The following ASNS variants were observed in gnomAD, a reference collection of about 807,000 sequenced individuals.
ASNS encodes asparagine synthetase [glutamine-hydrolyzing].
ASNS carries 37 observed loss-of-function variants against 62.6 expected under a neutral mutation model. The ratio of observed to expected loss-of-function variants is 0.59; its 90% confidence interval spans 0.45 to 0.78. The LOEUF is 0.78. Ranked by LOEUF, ASNS falls within the 30% of genes least tolerant of loss-of-function variation. ASNS has a pLI of 0.00. For missense variants in ASNS, 520 were observed against 682.4 expected, an observed-to-expected ratio of 0.76 and a Z score of 2.65; for synonymous variants, 207 against 237.9, an observed-to-expected ratio of 0.87 and a Z score of 1.19.
chr7:97,868,887 A>T, intron 3 of ASNS, 21 bp downstream of exon 3: 5 of 1,611,410 alleles, frequency 3.1e-6, no homozygotes, highest in Non-Finnish European at 4.2e-6. Context: ...GCATCCAGAC[A>T]TCTGGTTTCT....
chr7:97,924,233 G>A, the ASNS span, among the ~76,000 whole-genome samples: 2 of 152,174 alleles, frequency 1.3e-5, no homozygotes, highest in African/African-American at 4.8e-5. Flanking sequence ...TAACAGGAAT[G>A]TGCTTCATGT....
the ASNS span, among the ~76,000 whole-genome samples, chr7:97,884,225 A>C: frequency 2.0e-4 from 30 of 148,928 alleles, no homozygotes; most frequent in East Asian, 6.0e-4. Flanking sequence ...GCTTGCCCTG[A>C]AGCCTTCAGC....
chr7:97,858,841 T>TC lies in ASNS; in HGVS notation c.775+12_775+13insG. The TC allele has an allele frequency of 6.3e-7, 1 of 1,598,692 alleles. No individual in the cohort carries two copies. Among genetic ancestry groups the TC allele is most frequent in the Non-Finnish European group, 8.5e-7 (1 of 1,174,936 alleles). ...CACATGAAATATAATTAGGTTTTTT[T>TC]AATTGACTTCACCTGATAAAAGGCA... On this transcript the variant is annotated intron_variant, in intron 6 of 12. Transcript: ENST00000394308.
At chr7:97,898,303 T>C in the ASNS span, 7 of 436,148 alleles carry the variant, frequency 1.6e-5, no homozygotes, top group Admixed American at 6.8e-5. Flanking sequence ...TTTTCACAAA[T>C]AGGACTTCTT....
chr7:97,863,818 A>G (rs143354627), intron 4 of ASNS: 123 of 155,582 alleles, frequency 7.9e-4, no homozygotes, highest in Non-Finnish European at 1.5e-3. Context: ...CTGTGAATAT[A>G]CTAAAAACCA....
the ASNS span, among the ~76,000 whole-genome samples, chr7:97,884,452 G>A: frequency 2.6e-5 from 4 of 152,158 alleles, no homozygotes; most frequent in Non-Finnish European, 5.9e-5. Flanking sequence ...GGGAGACTGA[G>A]GCAGGAAAAT....
At chr7:97,871,123 T>G (rs1792238833) in intron 1 of ASNS, among the ~76,000 whole-genome samples, 1 of 152,210 alleles carries the variant, frequency 6.6e-6, no homozygotes, top group Admixed American at 6.5e-5. Flanking sequence ...GAAATTAATT[T>G]TAAATAAACT....
chr7:97,920,235 C>A, the ASNS span, among the ~76,000 whole-genome samples: 2 of 152,140 alleles, frequency 1.3e-5, no homozygotes, highest in African/African-American at 4.8e-5. Flanking sequence ...AACTCCTGGC[C>A]TCAGGCGATC....
chr7:97,865,754 C>T (rs1584472864), intron 3 of ASNS, among the ~76,000 whole-genome samples: 1 of 152,150 alleles, frequency 6.6e-6, no homozygotes, highest in Non-Finnish European at 1.5e-5. Context: ...CAAAAATACA[C>T]AATGGATAAT....
At chr7:97,857,220 C>T (rs1455472787) in intron 7 of ASNS, among the ~76,000 whole-genome samples, 1 of 152,104 alleles carries the variant, frequency 6.6e-6, no homozygotes, top group East Asian at 1.9e-4. Flanking sequence ...AATGGCCCTT[C>T]CCCTCATTCT....
At chr7:97,926,667 G>A in the ASNS span, among the ~76,000 whole-genome samples, 1 of 152,154 alleles carries the variant, frequency 6.6e-6, no homozygotes, top group Non-Finnish European at 1.5e-5. Context: ...CCGCCAGACT[G>A]AGCAGATACA....
At chr7:97,914,217 T>G in the ASNS span, among the ~76,000 whole-genome samples, 2 of 151,404 alleles carry the variant, frequency 1.3e-5, no homozygotes, top group Non-Finnish European at 2.9e-5. Context: ...GAATGGTGGA[T>G]AGATGGACGG....
the ASNS span, among the ~76,000 whole-genome samples, chr7:97,908,644 C>T: frequency 6.6e-6 from 1 of 152,122 alleles, no homozygotes; most frequent in African/African-American, 2.4e-5. Flanking sequence ...TCAAATGATC[C>T]ACCCGCCTTG....
intron 9 of ASNS, chr7:97,854,964 T>C: frequency 7.2e-6 from 3 of 414,172 alleles, no homozygotes; most frequent in Non-Finnish European, 1.2e-5. Context: ...GTTTTATTTA[T>C]TTATTTTTAA....
chr7:97,914,491 T>C, the ASNS span, among the ~76,000 whole-genome samples: 2 of 151,730 alleles, frequency 1.3e-5, no homozygotes, highest in African/African-American at 4.8e-5. Context: ...CAACCAATAA[T>C]CAATAACTTG....
rs1230123411 is a variant in ASNS, at chr7:97,853,184, G to A, written c.1352C>T (p.Thr451Met). 12 of 1,609,486 alleles carry A rather than the reference G, an allele frequency of 7.5e-6. No individual in the cohort carries two copies. The highest frequency in any genetic ancestry group is 1.3e-5 in the African/African-American group (1 of 74,628). ...NGIEKHLLRE[T>M]FEDSNLIPKE... is the part of the protein sequence containing the mutation. ...GGGTATCAGATTGGAATCCTCAAAC[G>A]TCTCTCTCAGGAGATGTTTTTCTAT... The change falls in exon 12 of 13, where the codon ACG becomes ATG. Residue 451 changes from threonine (T) to methionine (M), a missense_variant. Thr to Met is a moderately conservative substitution (Grantham distance 81). Coordinates refer to ENST00000394308, the MANE Select transcript of ASNS (RefSeq NM_001673.5).
intron 1 of ASNS, chr7:97,872,046 C>A (rs1020024377): frequency 3.9e-5 from 6 of 152,286 alleles, no homozygotes; most frequent in African/African-American, 1.4e-4. Flanking sequence ...TTTACAGGGG[C>A]TCAAACTGCC....
the ASNS span, among the ~76,000 whole-genome samples, chr7:97,916,004 C>T: frequency 6.6e-6 from 1 of 152,192 alleles, no homozygotes; most frequent in Non-Finnish European, 1.5e-5. Flanking sequence ...AACCTCCAAG[C>T]CAGCTGGACA....
the ASNS span, among the ~76,000 whole-genome samples, chr7:97,907,823 G>A: frequency 6.7e-6 from 1 of 149,348 alleles, no homozygotes; most frequent in East Asian, 1.9e-4. Context: ...TAATTTCTAA[G>A]GGAAATAGAG....
Sources: gnomAD v4.1 joint callset for allele counts (sites outside exome capture counted in the v4.1 genomes callset) on GRCh38, gnomAD v4.1.1 for gene constraint, MANE v1.5 for transcripts, NCBI Gene and HGNC (gene_info 2026-07-23, HGNC 2026-07-21) for gene names.